MYD88: variants seen among roughly 807,000 people sequenced by gnomAD.
The protein encoded by MYD88 is myeloid differentiation primary response protein MyD88.
Under a neutral mutation model 31.1 loss-of-function variants are expected in MYD88, and 15 were observed. That is an observed-to-expected ratio of 0.48 (90% CI 0.32 to 0.74). The LOEUF (loss-of-function observed/expected upper bound fraction) is 0.74, where lower values mean the gene tolerates loss of function less well. Among genes scored for constraint, MYD88 ranks in the 30% least tolerant of loss-of-function variants. MYD88 has a pLI of 0.03. For synonymous variants in MYD88, 157 were observed against 158.8 expected (o/e 0.99, Z 0.08); for missense variants, 308 against 387.4 (o/e 0.79, Z 1.72).
At position 38,139,887 on chromosome 3, in the gene MYD88, T is replaced by C; in HGVS notation, c.352T>C (p.Leu118=). 1 of 1,613,288 alleles carries C rather than the reference T, an allele frequency of 6.2e-7. No homozygotes were observed. Among genetic ancestry groups the C allele is most frequent in the Non-Finnish European group, 8.5e-7 (1 of 1,180,006 alleles). The change falls in exon 2 of 5, where the codon TTG becomes CTG. Residue 118 remains leucine, a synonymous_variant. Transcript: ENST00000650905. The surrounding 1 kb of genome is among the most constrained non-coding windows in gnomAD (Gnocchi z 4.7). The part of the protein sequence containing the change: ...SIEEDCQKYI[L]KQQQEEAEKP... ...AGAGGAGGATTGCCAAAAGTATATC[T>C]TGAAGCAGCAGCAGGAGGAGGCTGA... is the stretch of plus-strand genomic sequence containing the variant.
Position 38,139,856 on chromosome 3 carries a change from C to T in MYD88, c.329-8C>T, listed in dbSNP as rs1013749215. The T allele has an allele frequency of 1.2e-6, 2 of 1,612,420 alleles. No individual in the cohort carries two copies. Among genetic ancestry groups the T allele is most frequent in the Non-Finnish European group, 1.7e-6 (2 of 1,179,978 alleles). On this transcript the variant is annotated splice_region_variant and splice_polypyrimidine_tract_variant and intron_variant, in intron 1 of 4. Transcript: ENST00000650905. This position sits in a 1 kb window ranked among gnomAD's most constrained non-coding sequence, Gnocchi z 4.7. ...GGGAGGCTGCTTTACTCTGTCTCTTCCCCACAGAGGAGGATTGCCAAAAGT... is the reference window on the plus strand; with the variant it reads ...GGGAGGCTGCTTTACTCTGTCTCTTTCCCACAGAGGAGGATTGCCAAAAGT...
chr3:38,141,721 G>A lies in MYD88; in HGVS notation c.*435G>A, dbSNP rs747062009. ...ACCAGGCTTGGCTGCGGGAGAGCTG[G>A]CTGTTGCTGGACTACATGCTGGCCA... On this transcript the variant is annotated 3_prime_UTR_variant, in exon 5 of 5. Coordinates refer to ENST00000650905, the MANE Select transcript of MYD88 (RefSeq NM_002468.5). 8.3e-5 allele frequency: 33 copies of A among 397,418 alleles called. No homozygotes were observed. The highest frequency in any genetic ancestry group is 7.3e-4 in the Middle Eastern group (1 of 1,378). 24.6% of individuals were successfully genotyped at this position (397,418 alleles called of 1,614,324 possible).
chr3:38,138,836 G>A lies in MYD88; in HGVS notation c.136G>A (p.Asp46Asn), dbSNP rs980606265. The change falls in exon 1 of 5, where the codon GAC (aspartate) becomes AAC (asparagine). Residue 46 changes from aspartate to asparagine, a missense_variant. Transcript: ENST00000650905. The surrounding 1 kb of genome is among the most constrained non-coding windows in gnomAD (Gnocchi z 6.4). ...FLNVRTQVAA[D>N]WTALAEEMDF... ...GAACGTGCGGACACAGGTGGCGGCC[G>A]ACTGGACCGCGCTGGCGGAGGAGAT... is the stretch of plus-strand genomic sequence containing the variant. 35 of 1,613,822 alleles carry A rather than the reference G, an allele frequency of 2.2e-5. No individual in the cohort carries two copies. The highest frequency in any genetic ancestry group is 2.9e-5 in the Non-Finnish European group (34 of 1,180,030).
intron 4 of MYD88, 45 bp from the exon 5 acceptor site, chr3:38,141,087 A>G (rs776538318): frequency 3.1e-6 from 5 of 1,613,760 alleles, no homozygotes; most frequent in Middle Eastern, 1.7e-4. Context: ...TTGTCCCACC[A>G]TGGGGCAAGG....
rs2125778359 is a variant in MYD88 at position 38,140,409 on chromosome 3, A to T, written c.485A>T (p.Asp162Val). Reference protein sequence around the residue: ...DPLGHMPERFDAFICYCPSDI... With the variant: ...DPLGHMPERFVAFICYCPSDI... ...CCAGGGCATATGCCTGAGCGTTTCG[A>T]TGCCTTCATCTGCTATTGCCCCAGC... The change falls in exon 3 of 5, where the codon GAT becomes GTT. Residue 162 changes from aspartate to valine, a missense_variant. By Grantham distance (152) the Asp-to-Val change is radical (BLOSUM62 -3). Transcript: ENST00000650905. The T allele has an allele frequency of 6.2e-7, 1 of 1,614,180 alleles. No individual in the cohort carries two copies. The highest frequency in any genetic ancestry group is 8.5e-7 in the Non-Finnish European group (1 of 1,180,018).
At position 38,139,204 on chromosome 3, in the gene MYD88, T is replaced by A; in HGVS notation, c.328+176T>A. The A allele has an allele frequency of 2.3e-6, 2 of 873,934 alleles. No homozygotes were observed. The highest frequency in any genetic ancestry group is 3.4e-6 in the Non-Finnish European group (2 of 588,874). 54.1% of individuals were successfully genotyped at this position (873,934 alleles called of 1,614,324 possible). A position where few individuals can be genotyped will look rare whatever the true frequency, so the allele number is the denominator to read the frequency against. On this transcript the variant is annotated intron_variant, in intron 1 of 4. Transcript: ENST00000650905. This position sits in a 1 kb window ranked among gnomAD's most constrained non-coding sequence, Gnocchi z 4.7. ...CTTCTTAATAACCGGTCGCGGTTAT[T>A]AAGAAGGACTGGAGAAAGGTCCGGA...
At position 38,139,338 on chromosome 3, in the gene MYD88, G is replaced by A. The variant is rs1701018153; in HGVS notation, c.328+310G>A. ...TGGGCTGTTTCAAGTAGAGCAACAG[G>A]ACAGGTGGGGCGATTGACAGTGGAC... On this transcript the variant is annotated intron_variant, in intron 1 of 4. Transcript: ENST00000650905. This position sits in a 1 kb window ranked among gnomAD's most constrained non-coding sequence, Gnocchi z 4.7. 2 of 500,294 alleles carry A rather than the reference G, an allele frequency of 4.0e-6. No individual in the cohort carries two copies. Among genetic ancestry groups the A allele is most frequent in the South Asian group, 5.0e-5 (2 of 40,164 alleles). 31.0% of individuals were successfully genotyped at this position (500,294 alleles called of 1,614,324 possible). A position where few individuals can be genotyped will look rare whatever the true frequency, so the allele number is the denominator to read the frequency against.
In MYD88 at chr3:38,141,234, G is replaced by C. The variant is rs937914897; in HGVS notation, c.839G>C (p.Cys280Ser). The C allele has an allele frequency of 1.2e-6, 2 of 1,614,210 alleles. No homozygotes were observed. Among genetic ancestry groups the C allele is most frequent in the Non-Finnish European group, 1.7e-6 (2 of 1,180,034 alleles). Reference protein sequence around the residue: ...FITVCDYTNPCTKSWFWTRLA... With the variant: ...FITVCDYTNPSTKSWFWTRLA... Reference sequence around the variant, plus strand: ...ACTGTCTGCGACTACACCAACCCCTGCACCAAATCTTGGTTCTGGACTCGC... The same window carrying C: ...ACTGTCTGCGACTACACCAACCCCTCCACCAAATCTTGGTTCTGGACTCGC... Residue 280 changes from cysteine (C) to serine (S), a missense_variant, in exon 5 of 5, where the codon TGC becomes TCC. Coordinates refer to ENST00000650905, the MANE Select transcript of MYD88 (RefSeq NM_002468.5).
rs1438800512 is a variant in MYD88 at position 38,138,754 on chromosome 3, C to G, written c.54C>G (p.Ser18=). 6.2e-7 allele frequency: 1 copy of G among 1,612,312 alleles called. No individual in the cohort carries two copies. Among genetic ancestry groups the G allele is most frequent in the South Asian group, 1.1e-5 (1 of 91,082 alleles). Residue 18 remains serine, a synonymous_variant, in exon 1 of 5, where the codon TCC becomes TCG. Coordinates refer to ENST00000650905, the MANE Select transcript of MYD88 (RefSeq NM_002468.5). This position sits in a 1 kb window ranked among gnomAD's most constrained non-coding sequence, Gnocchi z 6.4. ...AGSAAPVSST[S]SLPLAALNMR... is the part of the protein sequence containing the mutation. Reference sequence around the variant, plus strand: ...CTGCGGCCCCGGTCTCCTCCACATCCTCCCTTCCCCTGGCTGCTCTCAACA... The same window carrying G: ...CTGCGGCCCCGGTCTCCTCCACATCGTCCCTTCCCCTGGCTGCTCTCAACA...
intron 4 of MYD88, 24 bp from the exon 5 acceptor site, chr3:38,141,108 A>G: frequency 6.2e-7 from 1 of 1,614,216 alleles, no homozygotes; most frequent in East Asian, 2.2e-5. Context: ...GCCTGATGCC[A>G]GCATGGCACC....
At chr3:38,140,644 T>C in intron 3 of MYD88, 76 bp downstream of exon 3, 1 of 1,606,192 alleles carries the variant, frequency 6.2e-7, no homozygotes, top group African/African-American at 1.3e-5. Context: ...GGGCATCTCC[T>C]CCTAGCTGTG....
chr3:38,139,113 A>T lies in MYD88; in HGVS notation c.328+85A>T, dbSNP rs973936955. On this transcript the variant is annotated intron_variant, in intron 1 of 4. Coordinates refer to ENST00000650905, the MANE Select transcript of MYD88 (RefSeq NM_002468.5). This position sits in a 1 kb window ranked among gnomAD's most constrained non-coding sequence, Gnocchi z 4.7. Reference sequence around the variant, plus strand: ...CCTCAGCATCCTGTCTCCCATGGAGAGACCCCATTTCCTGCCTCGGGGGCC... The same window carrying T: ...CCTCAGCATCCTGTCTCCCATGGAGTGACCCCATTTCCTGCCTCGGGGGCC... The T allele has an allele frequency of 6.1e-5, 90 of 1,487,272 alleles. No individual in the cohort carries two copies. Among genetic ancestry groups the T allele is most frequent in the Non-Finnish European group, 7.4e-5 (83 of 1,119,998 alleles). 92.1% of individuals were successfully genotyped at this position (1,487,272 alleles called of 1,614,324 possible).
rs2125778756 is a variant in MYD88 at position 38,140,522 on chromosome 3, C to G, written c.598C>G (p.Pro200Ala). Residue 200 changes from proline (P) to alanine (A), a missense_variant, in exon 3 of 5, where the codon CCT (proline) becomes GCT (alanine). Transcript: ENST00000650905. The part of the protein sequence containing the change: ...KLCVSDRDVL[P>A]GTCVWSIASE... ...GTGTGTGTCTGACCGCGATGTCCTG[C>G]CTGGCACCTGTGTCTGGTCTATTGC... 1 of 1,614,234 alleles carries G rather than the reference C, an allele frequency of 6.2e-7. No homozygotes were observed. The highest frequency in any genetic ancestry group is 1.7e-5 in the Admixed American group (1 of 60,030).
At position 38,141,430 on chromosome 3, in the gene MYD88, C is replaced by A. The variant is rs891720661; in HGVS notation, c.*144C>A. On this transcript the variant is annotated 3_prime_UTR_variant, in exon 5 of 5. Coordinates refer to ENST00000650905, the MANE Select transcript of MYD88 (RefSeq NM_002468.5). ...GATGCCAACTTCACAGACACGTCTG[C>A]AGCAGCTGGACATCACATTTCATGT... 4 of 1,098,838 alleles carry A rather than the reference C, an allele frequency of 3.6e-6. No homozygotes were observed. In the African/African-American group the frequency reaches 4.6e-5, roughly 13 times the overall value. 68.1% of individuals were successfully genotyped at this position (1,098,838 alleles called of 1,614,324 possible). A position where few individuals can be genotyped will look rare whatever the true frequency, so the allele number is the denominator to read the frequency against.
Position 38,139,783 on chromosome 3 carries a change from G to A in MYD88, c.329-81G>A. The A allele has an allele frequency of 1.3e-6, 2 of 1,577,698 alleles. No homozygotes were observed. The highest frequency in any genetic ancestry group is 8.6e-7 in the Non-Finnish European group (1 of 1,157,662). Reference sequence around the variant, plus strand: ...CTAGAACAACCCAGCCAGAGGAGGTGGGACAGCGGCTGGATCCTGACTGTG... The same window carrying A: ...CTAGAACAACCCAGCCAGAGGAGGTAGGACAGCGGCTGGATCCTGACTGTG... On this transcript the variant is annotated intron_variant, in intron 1 of 4. Coordinates refer to ENST00000650905, the MANE Select transcript of MYD88 (RefSeq NM_002468.5). This position sits in a 1 kb window ranked among gnomAD's most constrained non-coding sequence, Gnocchi z 4.7.
At position 38,142,631 on chromosome 3, in the gene MYD88, T is replaced by C; in HGVS notation, c.*1345T>C. On this transcript the variant is annotated 3_prime_UTR_variant, in exon 5 of 5. Coordinates refer to ENST00000650905, the MANE Select transcript of MYD88 (RefSeq NM_002468.5). ...TCTCCTTCCCAGAGCAATTTATACT[T>C]TACCCTCAGGCTGTCCTCTGGGGAG... 1 of 233,334 alleles carries C rather than the reference T, an allele frequency of 4.3e-6. No individual in the cohort carries two copies. Among genetic ancestry groups the C allele is most frequent in the Non-Finnish European group, 8.5e-6 (1 of 118,088 alleles). 14.5% of individuals were successfully genotyped at this position (233,334 alleles called of 1,614,324 possible).
Position 38,141,510 on chromosome 3 carries a change from AG to A in MYD88, c.*226del, listed in dbSNP as rs1445278943. 13 of 647,012 alleles carry A rather than the reference AG, an allele frequency of 2.0e-5. No individual in the cohort carries two copies. Among genetic ancestry groups the A allele is most frequent in the Middle Eastern group, 4.0e-4 (1 of 2,484 alleles). 40.1% of individuals were successfully genotyped at this position (647,012 alleles called of 1,614,324 possible). On this transcript the variant is annotated 3_prime_UTR_variant, in exon 5 of 5. Transcript: ENST00000650905. ...ATGTCCACTTGCTGGATTATCAGCC[AG>A]GACACTATAGAACAGGACCAGCTGA...
At chr3:38,140,727 AG>A (rs1312322434) in intron 3 of MYD88, 29 bp from the exon 4 acceptor site, 1 of 1,609,950 alleles carries the variant, frequency 6.2e-7, no homozygotes, top group Non-Finnish European at 8.5e-7. Flanking sequence ...AAGTTGCCAC[AG>A]GACCTGCAGC....
At chr3:38,140,056 A>C in intron 2 of MYD88, 58 bp downstream of exon 2, 1 of 1,600,322 alleles carries the variant, frequency 6.2e-7, no homozygotes, top group South Asian at 1.1e-5. Flanking sequence ...TGGTGTTAAG[A>C]GCATGGGTGT....
Sources: allele counts gnomAD v4.1 joint callset, GRCh38; gene constraint gnomAD v4.1.1; non-coding constraint Gnocchi (gnomAD v3.1); transcripts MANE v1.5; gene names NCBI Gene and HGNC (gene_info 2026-07-23, HGNC 2026-07-21).